INO80D: variants seen among roughly 807,000 people sequenced by gnomAD.
The protein encoded by INO80D is INO80 complex subunit D.
Under a neutral mutation model 87.6 loss-of-function variants are expected in INO80D, and 21 were observed. The observed-to-expected ratio is 0.24, with a 90% CI of 0.17 to 0.35. The LOEUF (loss-of-function observed/expected upper bound fraction) is 0.35. INO80D is among the 10% of genes least tolerant of loss of function. The pLI, the probability that INO80D is intolerant of heterozygous loss-of-function variation, is 1.00. For synonymous variants in INO80D, 440 were observed against 491.0 expected, an observed-to-expected ratio of 0.90 and a Z score of 1.37; for missense variants, 982 against 1,280.7, an observed-to-expected ratio of 0.77 and a Z score of 3.56.
chr2:206,057,894 A>G (rs1347891920), intron 3 of INO80D, among the ~76,000 whole-genome samples: 1 of 151,510 alleles, frequency 6.6e-6, no homozygotes, highest in Non-Finnish European at 1.5e-5. Context: ...TTCCTGTGGA[A>G]AGTTTAAAAA....
At chr2:206,064,455 T>G (rs972977236) in intron 1 of INO80D, among the ~76,000 whole-genome samples, 16 of 152,218 alleles carry the variant, frequency 1.1e-4, no homozygotes, top group Admixed American at 9.2e-4. Context: ...ATACTCTCTG[T>G]TTTACCAGTA....
chr2:206,049,848 G>T (rs1689300785), intron 4 of INO80D, among the ~76,000 whole-genome samples: 2 of 152,148 alleles, frequency 1.3e-5, no homozygotes, highest in Admixed American at 6.5e-5. Context: ...ATTTAAAAGG[G>T]CGTCCGGGCA....
intron 6 of INO80D, among the ~76,000 whole-genome samples, chr2:206,023,678 T>A (rs1688526730): frequency 1.6e-5 from 2 of 122,726 alleles, no homozygotes; most frequent in Non-Finnish European, 1.6e-5. Context: ...GTGAGACTCA[T>A]CTAAAAAAAA....
chr2:206,035,870 C>T (rs534661417), intron 5 of INO80D, among the ~76,000 whole-genome samples: 22 of 152,190 alleles, frequency 1.4e-4, no homozygotes, highest in Non-Finnish European at 2.5e-4. Flanking sequence ...CGAACCCAGA[C>T]AAATCAGTAA....
At chr2:206,063,492 G>A (rs1689739853) in intron 1 of INO80D, 1 of 162,272 alleles carries the variant, frequency 6.2e-6, no homozygotes, top group African/African-American at 2.4e-5. Context: ...TCAGGAGTTT[G>A]AGACCAGCCT....
intron 4 of INO80D, among the ~76,000 whole-genome samples, chr2:206,048,586 T>C (rs1689261760): frequency 6.6e-6 from 1 of 152,174 alleles, no homozygotes; most frequent in Non-Finnish European, 1.5e-5. Flanking sequence ...CATAAAAGTT[T>C]TACCCTTTTA....
At chr2:206,077,253 T>C (rs143190648) in intron 1 of INO80D, among the ~76,000 whole-genome samples, 8,031 of 150,962 alleles carry the variant, frequency 0.053, 262 homozygotes, top group African/African-American at 0.086. Context: ...GGCAGGAAAA[T>C]GGTGTGAACC....
In INO80D at chr2:206,028,291, T is replaced by G; in HGVS notation, c.1118A>C (p.Gln373Pro). The G allele has an allele frequency of 6.2e-7, 1 of 1,610,920 alleles. No homozygotes were observed. The highest frequency in any genetic ancestry group is 8.5e-7 in the Non-Finnish European group (1 of 1,177,324). Residue 373 changes from glutamine (Q) to proline (P), a missense_variant, in exon 6 of 11, where the codon CAA (glutamine) becomes CCA (proline). Gln to Pro is a moderately conservative substitution (Grantham distance 76, BLOSUM62 -1). Transcript: ENST00000403263. The part of the protein sequence containing the change: ...DAESRSSRVT[Q>P]LCTYFQQKYK... ...TTTCTGCTGAAAGTAAGTGCAAAGT[T>G]GAGTCACCCTGGAGCTCCTACTCTC...
Position 206,057,421 on chromosome 2 carries a change from C to G in INO80D, c.219-478G>C, listed in dbSNP as rs555383548. On this transcript the variant is annotated intron_variant, in intron 3 of 10. Transcript: ENST00000403263. ...GTCTACTGTGCTTTAGACACATATA[C>G]AGAGAGAGACAGAGAAAGAGAGAGA... Among the ~76,000 whole-genome samples the G allele has an allele frequency of 1.2e-4, 18 of 152,194 alleles. No individual in the cohort carries two copies. The South Asian group carries it at 3.7e-3, about 32-fold the overall frequency.
intron 8 of INO80D, 113 bp downstream of exon 8, chr2:206,017,567 T>C (rs1688351893): frequency 2.5e-6 from 2 of 796,304 alleles, no homozygotes; most frequent in South Asian, 5.3e-5. Context: ...AAAAATCCTC[T>C]CTCAAAACTT....
intron 10 of INO80D, among the ~76,000 whole-genome samples, chr2:206,005,901 C>G (rs940364555): frequency 6.6e-6 from 1 of 152,094 alleles, no homozygotes; most frequent in African/African-American, 2.4e-5. Context: ...ACATAGAAAA[C>G]ATATATCAAC....
intron 1 of INO80D, among the ~76,000 whole-genome samples, chr2:206,081,111 A>C (rs1690270543): frequency 6.6e-6 from 1 of 152,112 alleles, no homozygotes; most frequent in Non-Finnish European, 1.5e-5. Context: ...AGACGAAGAA[A>C]ACTGAGACTT....
At chr2:206,060,723 G>A (rs1280848197) in intron 3 of INO80D, among the ~76,000 whole-genome samples, 1 of 151,904 alleles carries the variant, frequency 6.6e-6, no homozygotes, top group Non-Finnish European at 1.5e-5. Flanking sequence ...ACCACACCCG[G>A]CTAATTTTGT....
Position 206,003,823 on chromosome 2 carries a change from A to G in INO80D, c.*545T>C, listed in dbSNP as rs1687949622. ...GCATACTCACAGGCAGTCAAAAGACACATTTTTTTCTTTTAGTTAAACATG... is the reference window on the plus strand; with the variant it reads ...GCATACTCACAGGCAGTCAAAAGACGCATTTTTTTCTTTTAGTTAAACATG... On this transcript the variant is annotated 3_prime_UTR_variant, in exon 11 of 11. Coordinates refer to ENST00000403263, the MANE Select transcript of INO80D (RefSeq NM_017759.5). The G allele has an allele frequency of 6.2e-6, 1 of 162,048 alleles. No individual in the cohort carries two copies. The highest frequency in any genetic ancestry group is 1.4e-5 in the Non-Finnish European group (1 of 72,732). The allele number at this position is 162,048 out of a possible 1,614,324, so 10.0% of individuals were successfully genotyped here.
At chr2:206,008,791 A>G (rs971298528) in intron 9 of INO80D, among the ~76,000 whole-genome samples, 8 of 152,222 alleles carry the variant, frequency 5.3e-5, no homozygotes, top group Non-Finnish European at 1.0e-4. Flanking sequence ...ATGAATCACA[A>G]TTTGGTGTAT....
intron 1 of INO80D, among the ~76,000 whole-genome samples, chr2:206,071,319 T>A (rs1162277191): frequency 3.8e-5 from 4 of 105,140 alleles, no homozygotes; most frequent in African/African-American, 4.0e-5. Context: ...TTTTTTTTTT[T>A]AAGAGATGAG....
intron 8 of INO80D, among the ~76,000 whole-genome samples, chr2:206,010,840 A>G (rs1559431720): frequency 6.6e-6 from 1 of 152,060 alleles, no homozygotes; most frequent in East Asian, 1.9e-4. Flanking sequence ...GCACTTTGGG[A>G]GCCGAGGTGG....
rs1217224864 is a variant in INO80D at position 206,005,257 on chromosome 2, T to A, written c.2195A>T (p.Asp732Val). 1 of 1,614,012 alleles carries A rather than the reference T, an allele frequency of 6.2e-7. No individual in the cohort carries two copies. ...VHDNFSSLEL[D>V]ENLLRSATLS... is the part of the protein sequence containing the mutation. ...GGTAGCAGAACGGAGCAGGTTCTCA[T>A]CCAGCTCTAGACTAGAAAAATTATC... Residue 732 changes from aspartate to valine, a missense_variant, in exon 11 of 11, where the codon GAT (aspartate) becomes GTT (valine). Transcript: ENST00000403263.
In INO80D at chr2:206,062,765, A is replaced by G. The variant is rs1457672916; in HGVS notation, c.218+34T>C. 2 of 1,535,420 alleles carry G rather than the reference A, an allele frequency of 1.3e-6. No homozygotes were observed. The highest frequency in any genetic ancestry group is 1.4e-5 in the African/African-American group (1 of 72,072). ...AGAAAAAATTCCAAGCCTGTTAATG[A>G]AATCAAGGATTGATTCTCATGATTA... On this transcript the variant is annotated intron_variant, in intron 3 of 10. Coordinates refer to ENST00000403263, the MANE Select transcript of INO80D (RefSeq NM_017759.5). This position sits in a 1 kb window ranked among gnomAD's most constrained non-coding sequence, Gnocchi z 4.6.
Sources: allele counts gnomAD v4.1 joint callset (sites outside exome capture counted in the v4.1 genomes callset), GRCh38; gene constraint gnomAD v4.1.1; non-coding constraint Gnocchi (gnomAD v3.1); transcripts MANE v1.5; gene names NCBI Gene and HGNC (gene_info 2026-07-23, HGNC 2026-07-21).